GIGYF2: variants seen among roughly 807,000 people sequenced by gnomAD.
GIGYF2 encodes the protein GRB10-interacting GYF protein 2.
GIGYF2 carries 25 observed loss-of-function variants against 208.1 expected under a neutral mutation model. The observed-to-expected ratio is 0.12, with a 90% CI of 0.09 to 0.17. The LOEUF is 0.17. GIGYF2 is among the 10% of genes least tolerant of loss of function. The pLI is 1.00. For missense variants in GIGYF2, 1,302 were observed against 1,579.4 expected, an observed-to-expected ratio of 0.82 and a Z score of 2.98; for synonymous variants, 534 against 543.8, an observed-to-expected ratio of 0.98 and a Z score of 0.25.
intron 4 of GIGYF2, 138 bp downstream of exon 4, chr2:232,747,882 G>A: frequency 5.0e-6 from 4 of 803,004 alleles, no homozygotes; most frequent in Non-Finnish European, 8.2e-6. Context: ...TCCCTGCTTT[G>A]AAGCCTGCAA....
At chr2:232,816,654 A>T (rs974052654) in intron 19 of GIGYF2, among the ~76,000 whole-genome samples, 1 of 152,332 alleles carries the variant, frequency 6.6e-6, no homozygotes, top group East Asian at 1.9e-4. Flanking sequence ...GTTGTAGCGT[A>T]TGTCAGAATT....
chr2:232,780,981 GGAGTCTTGCT>G (rs1559426791), intron 8 of GIGYF2, among the ~76,000 whole-genome samples: 1 of 151,508 alleles, frequency 6.6e-6, no homozygotes, highest in East Asian at 1.9e-4. Context: ...TTTTGGAGAC[GGAGTCTTGCT>G]GTGTTGCCCA....
At position 232,714,193 on chromosome 2, in the gene GIGYF2, C is replaced by T. The variant is rs1034765192; in HGVS notation, c.-44+10704C>T. On this transcript the variant is annotated intron_variant, in intron 2 of 28. Coordinates refer to ENST00000373563, the MANE Select transcript of GIGYF2 (RefSeq NM_001103146.3). ...GTTTCGATCTCCTGACCTCGTGATC[C>T]GCCCGTCTCGGCCTCCCAAAGTGCT... Among the ~76,000 whole-genome samples the T allele has an allele frequency of 1.1e-4, 16 of 152,160 alleles. No individual in the cohort carries two copies. The South Asian group carries it at 2.3e-3, about 22-fold the overall frequency.
At chr2:232,711,800 G>A (rs1696425691) in intron 2 of GIGYF2, among the ~76,000 whole-genome samples, 1 of 148,238 alleles carries the variant, frequency 6.7e-6, no homozygotes, top group African/African-American at 2.5e-5. Flanking sequence ...AATTCAACCA[G>A]CAGTGTTTTT....
At chr2:232,699,490 C>T (rs950612459) in intron 1 of GIGYF2, among the ~76,000 whole-genome samples, 2 of 152,160 alleles carry the variant, frequency 1.3e-5, no homozygotes, top group Non-Finnish European at 2.9e-5. Flanking sequence ...CCCCAACCCC[C>T]TTAACTCCCA....
intron 21 of GIGYF2, 136 bp downstream of exon 21, chr2:232,820,121 C>A: frequency 1.2e-6 from 1 of 807,792 alleles, no homozygotes; most frequent in Non-Finnish European, 2.1e-6. Flanking sequence ...ACCTAACTGG[C>A]TCTTATTACT....
chr2:232,767,242 T>C (rs1365207374), intron 8 of GIGYF2: 4 of 152,208 alleles, frequency 2.6e-5, no homozygotes, highest in Non-Finnish European at 2.9e-5. Flanking sequence ...TTTTGCTTTA[T>C]CTACTGTAGA....
At chr2:232,837,648 G>C (rs1171553627) in intron 22 of GIGYF2, among the ~76,000 whole-genome samples, 3 of 151,860 alleles carry the variant, frequency 2.0e-5, no homozygotes, top group African/African-American at 7.3e-5. Flanking sequence ...TAGTAGAAAT[G>C]GGATTTTGCC....
intron 4 of GIGYF2, 76 bp from the exon 5 acceptor site, chr2:232,748,911 C>G: frequency 1.3e-6 from 1 of 792,766 alleles, no homozygotes; most frequent in Non-Finnish European, 2.3e-6. Context: ...AGTATTCTTT[C>G]TTGGATTTAT....
chr2:232,828,598 A>G (rs1701323207), intron 21 of GIGYF2: 1 of 152,172 alleles, frequency 6.6e-6, no homozygotes. Context: ...AACTACAAGC[A>G]TATACCACCA....
intron 2 of GIGYF2, among the ~76,000 whole-genome samples, chr2:232,706,807 A>G (rs1021591838): frequency 4.0e-5 from 6 of 151,800 alleles, no homozygotes; most frequent in Non-Finnish European, 8.8e-5. Context: ...ATAAAAATAA[A>G]TAATTAGCTC....
At position 232,847,499 on chromosome 2, in the gene GIGYF2, TCAGCAGCAGCAGCTGCCA is replaced by T. The variant is rs753770308; in HGVS notation, c.3626_3643del (p.Leu1209_Gln1214del). 44 of 1,582,652 alleles carry T rather than the reference TCAGCAGCAGCAGCTGCCA, an allele frequency of 2.8e-5. No homozygotes were observed. The highest frequency in any genetic ancestry group is 5.5e-5 in the South Asian group (5 of 90,510). ...CCAAACAGAAAGCCAACCAGCAGCGTCAGCAGCAGCAGCTGCCACAGCAGCAGCAGCAGCAGCCGCCAC... is the reference window on the plus strand; with the variant it reads ...CCAAACAGAAAGCCAACCAGCAGCGTCAGCAGCAGCAGCAGCAGCCGCCAC... On this transcript the variant is annotated inframe_deletion, in exon 27 of 29. Transcript: ENST00000373563.
intron 2 of GIGYF2, chr2:232,730,066 G>T: frequency 1.9e-6 from 2 of 1,036,456 alleles, no homozygotes; most frequent in Non-Finnish European, 3.0e-6. Context: ...TCAGCAGGCG[G>T]TGGGCCAGAT....
intron 8 of GIGYF2, among the ~76,000 whole-genome samples, chr2:232,779,137 A>C (rs1271047382): frequency 2.6e-5 from 4 of 152,174 alleles, no homozygotes; most frequent in Non-Finnish European, 5.9e-5. Context: ...CCAGAAACTC[A>C]TGGTCCTTCC....
chr2:232,806,583 C>G lies in GIGYF2; in HGVS notation c.1732C>G (p.Gln578Glu). The change falls in exon 15 of 29, where the codon CAA (glutamine) becomes GAA (glutamate). Residue 578 changes from glutamine to glutamate, a missense_variant. Gln to Glu is a conservative substitution (Grantham distance 29). Transcript: ENST00000373563. The surrounding 1 kb of genome is among the most constrained non-coding windows in gnomAD (Gnocchi z 4.0). ...LVKRACDESFQPLGDIMKMWG... is the reference protein window; with the variant it reads ...LVKRACDESFEPLGDIMKMWG... ...GAAGAGAGCGTGTGATGAAAGCTTC[C>G]AACCTCTTGGCGATATCATGAAAAT... 6.2e-7 allele frequency: 1 copy of G among 1,612,340 alleles called. No individual in the cohort carries two copies. The highest frequency in any genetic ancestry group is 8.5e-7 in the Non-Finnish European group (1 of 1,178,446).
At chr2:232,804,494 T>C (rs1026659173) in intron 14 of GIGYF2, among the ~76,000 whole-genome samples, 10 of 151,662 alleles carry the variant, frequency 6.6e-5, no homozygotes, top group Non-Finnish European at 1.2e-4. Flanking sequence ...TAGACAGTCA[T>C]ATTTATCCTT....
chr2:232,790,800 G>A lies in GIGYF2; in HGVS notation c.815G>A (p.Arg272His), dbSNP rs1700047140. 3.7e-6 allele frequency: 6 copies of A among 1,614,042 alleles called. 1 individual carries two copies. Among genetic ancestry groups the A allele is most frequent in the South Asian group, 2.2e-5 (2 of 91,082 alleles). Residue 272 changes from arginine (R) to histidine (H), a missense_variant, in exon 10 of 29, where the codon CGC (arginine) becomes CAC (histidine). Around this residue, in one of 8 missense-constraint regions of GIGYF2, gnomAD observed 50 missense variants for 42.3 expected, o/e 1.18. Coordinates refer to ENST00000373563, the MANE Select transcript of GIGYF2 (RefSeq NM_001103146.3). ...RDDERGYRRVRSGSGSIDDDR... is the reference protein window; with the variant it reads ...RDDERGYRRVHSGSGSIDDDR... ...GATGAACGGGGTTACCGAAGGGTTCGCTCTGGCAGTGGGAGCATAGATGAT... is the reference window on the plus strand; with the variant it reads ...GATGAACGGGGTTACCGAAGGGTTCACTCTGGCAGTGGGAGCATAGATGAT...
Position 232,806,437 on chromosome 2 carries a change from C to T in GIGYF2, c.1640-54C>T. On this transcript the variant is annotated intron_variant, in intron 14 of 28. Transcript: ENST00000373563. The surrounding 1 kb of genome is among the most constrained non-coding windows in gnomAD (Gnocchi z 4.0). ...CAGATGCAGGAAATATTTTTTTTCT[C>T]TTTGAGTCTGAAAGGTTTCTTATTG... 3 of 1,252,668 alleles carry T rather than the reference C, an allele frequency of 2.4e-6. No homozygotes were observed. Among genetic ancestry groups the T allele is most frequent in the Non-Finnish European group, 3.5e-6 (3 of 851,218 alleles). The allele number at this position is 1,252,668 out of a possible 1,614,324, so 77.6% of individuals were successfully genotyped here.
intron 23 of GIGYF2, among the ~76,000 whole-genome samples, chr2:232,842,427 T>G (rs1432771815): frequency 6.6e-6 from 1 of 152,242 alleles, no homozygotes; most frequent in East Asian, 1.9e-4. Context: ...GTATTTTTTA[T>G]AGCCTTTTAT....
Sources: gnomAD v4.1 joint callset for allele counts (sites outside exome capture counted in the v4.1 genomes callset) on GRCh38, gnomAD v4.1.1 for gene constraint, gnomAD v4.1.1 regional missense constraint, Gnocchi (gnomAD v3.1) non-coding constraint, MANE v1.5 for transcripts, NCBI Gene and HGNC (gene_info 2026-07-23, HGNC 2026-07-21) for gene names.